Variants in ZNF710 observed in about 807,000 individuals in gnomAD.
The protein encoded by ZNF710 is zinc finger protein 710.
A neutral mutation model predicts 50.6 loss-of-function variants in ZNF710; 13 were observed. That is an observed-to-expected ratio of 0.26 (90% CI 0.17 to 0.41). The LOEUF (loss-of-function observed/expected upper bound fraction) is 0.41. Ranked by LOEUF, ZNF710 falls within the 10% of genes least tolerant of loss-of-function variation. The probability of loss-of-function intolerance (pLI) is 1.00; values close to 1 mark genes in which losing one functional copy is unlikely to be tolerated. For missense variants in ZNF710, 721 were observed against 936.6 expected (o/e 0.77, Z 3.01); for synonymous variants, 383 against 397.0 (o/e 0.96, Z 0.42).
At chr15:90,013,613 A>G (rs572653380) in intron 1 of ZNF710, among the ~76,000 whole-genome samples, 4 of 152,284 alleles carry the variant, frequency 2.6e-5, no homozygotes, top group African/African-American at 9.6e-5. Context: ...GAGCCTGCCA[A>G]TGACCACAGA....
At chr15:90,027,846 GAA>G (rs11390221) in intron 1 of ZNF710, among the ~76,000 whole-genome samples, 2 of 133,340 alleles carry the variant, frequency 1.5e-5, no homozygotes, top group East Asian at 2.4e-4. Context: ...ACACTGTCTC[GAA>G]AAAAAAAAAA....
At chr15:89,999,910 AGGAAGGAAGGGAAG>A (rs1381198171), upstream of ZNF710, among the ~76,000 whole-genome samples, 1 of 151,452 alleles carries the variant, frequency 6.6e-6, no homozygotes, top group African/African-American at 2.4e-5. Context: ...TGCAGCCGGG[AGGAAGGAAGGGAAG>A]GGAAGGAAGG....
At chr15:90,069,546 G>A (rs1451559143) in intron 2 of ZNF710, among the ~76,000 whole-genome samples, 3 of 152,168 alleles carry the variant, frequency 2.0e-5, no homozygotes, top group Admixed American at 1.3e-4. Context: ...ACAGGGAGGC[G>A]TCCTGGCTCA....
rs370156779 is a variant in ZNF710 at position 90,032,914 on chromosome 15, GAAAA to G, written c.-29+31306_-29+31309del. On this transcript the variant is annotated intron_variant, in intron 1 of 4. Coordinates refer to ENST00000268154, the MANE Select transcript of ZNF710 (RefSeq NM_198526.4). The stretch of plus-strand genomic sequence containing the variant: ...TAGCAAGAACTTGTTTCTAAAAAAA[GAAAA>G]AAAAAGTGTGTGTTTGAAATTTGAG... Among the ~76,000 whole-genome samples, 488 of 150,978 alleles carry G rather than the reference GAAAA, an allele frequency of 3.2e-3. 6 individuals carry two copies. The highest frequency in any genetic ancestry group is 1.8e-3 in the Non-Finnish European group (121 of 67,702).
chr15:90,079,551 C>A, intron 4 of ZNF710, 109 bp from the exon 5 acceptor site: 2 of 1,368,346 alleles, frequency 1.5e-6, no homozygotes, highest in Non-Finnish European at 2.0e-6. Context: ...CTCCTGGAGG[C>A]CGTGACTGGG....
rs1036683271 is a variant in ZNF710 at position 90,062,845 on chromosome 15, C to T, written c.-28-4265C>T. Among the ~76,000 whole-genome samples, 3 of 152,190 alleles carry T rather than the reference C, an allele frequency of 2.0e-5. No individual in the cohort carries two copies. Among genetic ancestry groups the T allele is most frequent in the East Asian group, 1.9e-4 (1 of 5,188 alleles). ...TTCTGCATACACACACGCGCGCACG[C>T]GCACACACACACAGCCTGCCTGGCC... On this transcript the variant is annotated intron_variant, in intron 1 of 4. Coordinates refer to ENST00000268154, the MANE Select transcript of ZNF710 (RefSeq NM_198526.4). The surrounding 1 kb of genome is among the most constrained non-coding windows in gnomAD (Gnocchi z 5.6).
At position 90,070,596 on chromosome 15, in the gene ZNF710, G is replaced by A. The variant is rs189519764; in HGVS notation, c.1458+2001G>A. On this transcript the variant is annotated intron_variant, in intron 2 of 4. Transcript: ENST00000268154. The stretch of plus-strand genomic sequence containing the variant: ...CAGGAGGCAGAGATTCCAGTGAGCC[G>A]AGATCACACCACTGTGCTCCAGCCC... Among the ~76,000 whole-genome samples the A allele has an allele frequency of 7.6e-4, 115 of 151,010 alleles. 1 individual carries two copies. The East Asian group carries it at 0.015, about 20-fold the overall frequency.
chr15:90,027,002 T>G (rs1207094067), intron 1 of ZNF710, among the ~76,000 whole-genome samples: 2 of 152,186 alleles, frequency 1.3e-5, no homozygotes, highest in Non-Finnish European at 2.9e-5. Flanking sequence ...TAACATTGCT[T>G]TTAACACTCT....
At chr15:90,057,405 TAACTTCG>T (rs1899853287) in intron 1 of ZNF710, among the ~76,000 whole-genome samples, 1 of 151,784 alleles carries the variant, frequency 6.6e-6, no homozygotes, top group South Asian at 2.1e-4. Context: ...TCTTGCTAAT[TAACTTCG>T]AGGCCGGGCA....
intron 1 of ZNF710, among the ~76,000 whole-genome samples, chr15:90,005,925 C>T (rs1268258139): frequency 6.6e-6 from 1 of 152,162 alleles, no homozygotes; most frequent in African/African-American, 2.4e-5. Context: ...TCCAAGGGCA[C>T]AGAGCTGGTA....
chr15:90,061,840 G>C (rs1900016680), intron 1 of ZNF710, among the ~76,000 whole-genome samples: 1 of 152,204 alleles, frequency 6.6e-6, no homozygotes, highest in Admixed American at 6.5e-5. Context: ...TCAGGAAATG[G>C]AGACAGGTGG....
At chr15:90,043,275 A>T (rs528548812) in intron 1 of ZNF710, among the ~76,000 whole-genome samples, 1 of 152,350 alleles carries the variant, frequency 6.6e-6, no homozygotes, top group Admixed American at 6.5e-5. Context: ...GAGGGCTCTC[A>T]TAGAGGAGAC....
At chr15:90,030,035 A>T (rs747685820) in intron 1 of ZNF710, among the ~76,000 whole-genome samples, 3 of 152,048 alleles carry the variant, frequency 2.0e-5, no homozygotes, top group Non-Finnish European at 2.9e-5. Flanking sequence ...AACAGCCATT[A>T]GCATTAGCTA....
intron 1 of ZNF710, among the ~76,000 whole-genome samples, chr15:90,063,418 G>A (rs750437203): frequency 1.3e-5 from 2 of 152,180 alleles, no homozygotes; most frequent in Middle Eastern, 3.4e-3. Context: ...TGGGGACCTC[G>A]TGAGTGTCTG....
chr15:90,005,921 G>A (rs562493072), intron 1 of ZNF710, among the ~76,000 whole-genome samples: 2 of 152,222 alleles, frequency 1.3e-5, no homozygotes, highest in East Asian at 3.9e-4. Context: ...CTTGTCCAAG[G>A]GCACAGAGCT....
chr15:90,079,736 C>G lies in ZNF710; in HGVS notation c.1902C>G (p.Asn634Lys). Residue 634 changes from asparagine (N) to lysine (K), a missense_variant, in exon 5 of 5, where the codon AAC (asparagine) becomes AAG (lysine). Around this residue, in one of 3 missense-constraint regions of ZNF710, gnomAD observed 69 missense variants for 67.6 expected, o/e 1.02. Transcript: ENST00000268154. ...GQQEMEDFEE[N>K]AYSYASVDSS... ...AGGAGATGGAGGACTTCGAGGAGAA[C>G]GCCTACAGCTATGCGAGCGTGGACA... is the stretch of plus-strand genomic sequence containing the variant. The G allele has an allele frequency of 6.2e-7, 1 of 1,613,864 alleles. No individual in the cohort carries two copies. Among genetic ancestry groups the G allele is most frequent in the East Asian group, 2.2e-5 (1 of 44,882 alleles).
chr15:90,019,312 A>G (rs1179263021), intron 1 of ZNF710, among the ~76,000 whole-genome samples: 1 of 149,000 alleles, frequency 6.7e-6, no homozygotes, highest in Non-Finnish European at 1.5e-5. Context: ...ATGGACTATC[A>G]TTTATTTAAC....
intron 1 of ZNF710, among the ~76,000 whole-genome samples, chr15:90,035,658 C>G (rs1899100405): frequency 6.6e-6 from 1 of 152,254 alleles, no homozygotes; most frequent in African/African-American, 2.4e-5. Context: ...TTCCTAATAC[C>G]TGGTGGCTGA....
intron 1 of ZNF710, among the ~76,000 whole-genome samples, chr15:90,032,320 A>G (rs1276649375): frequency 6.6e-6 from 1 of 152,202 alleles, no homozygotes; most frequent in Admixed American, 6.5e-5. Context: ...TCATTAACAG[A>G]ACGTTCTCTT....
Sources: allele counts gnomAD v4.1 joint callset (sites outside exome capture counted in the v4.1 genomes callset), GRCh38; gene constraint gnomAD v4.1.1; regional missense constraint gnomAD v4.1.1; non-coding constraint Gnocchi (gnomAD v3.1); transcripts MANE v1.5; gene names NCBI Gene and HGNC (gene_info 2026-07-23, HGNC 2026-07-21).